EPHB1: variants seen among roughly 807,000 people sequenced by gnomAD.
EPHB1 encodes the protein EPH receptor B1.
Under a neutral mutation model 94.4 loss-of-function variants are expected in EPHB1, and 30 were observed. The observed-to-expected ratio is 0.32, with a 90% CI of 0.24 to 0.43. The LOEUF (loss-of-function observed/expected upper bound fraction) is 0.43, where lower values mean the gene tolerates loss of function less well. Among genes scored for constraint, EPHB1 ranks in the 20% least tolerant of loss-of-function variants. The probability of loss-of-function intolerance (pLI) is 1.00; values close to 1 mark genes in which losing one functional copy is unlikely to be tolerated. For synonymous variants in EPHB1, 522 were observed against 489.1 expected, an observed-to-expected ratio of 1.07 and a Z score of -0.89; for missense variants, 1,055 against 1,308.3, an observed-to-expected ratio of 0.81 and a Z score of 2.99.
At chr3:134,844,876 G>A (rs989910624) in intron 1 of EPHB1, among the ~76,000 whole-genome samples, 1 of 152,156 alleles carries the variant, frequency 6.6e-6, no homozygotes, top group Admixed American at 6.5e-5. Flanking sequence ...GTCTCTACCA[G>A]TTTGCATGTG....
intron 3 of EPHB1, among the ~76,000 whole-genome samples, chr3:135,100,956 C>T (rs1458939505): frequency 1.3e-5 from 2 of 151,882 alleles, no homozygotes; most frequent in East Asian, 3.9e-4. Flanking sequence ...GTGGTGAGGT[C>T]GGGGAGAGGG....
At chr3:135,164,829 A>G (rs917075383) in intron 7 of EPHB1, among the ~76,000 whole-genome samples, 10 of 143,534 alleles carry the variant, frequency 7.0e-5, no homozygotes, top group African/African-American at 2.6e-4. Flanking sequence ...AAAAAAAAAA[A>G]GAAGTATTGT....
chr3:135,048,688 G>A (rs1208803427), intron 3 of EPHB1, among the ~76,000 whole-genome samples: 3 of 152,168 alleles, frequency 2.0e-5, no homozygotes, highest in African/African-American at 7.2e-5. Flanking sequence ...CGCACATGCT[G>A]GCATCTAGCC....
intron 2 of EPHB1, among the ~76,000 whole-genome samples, chr3:134,938,989 CT>C (rs1229338115): frequency 6.6e-6 from 1 of 152,112 alleles, no homozygotes; most frequent in African/African-American, 2.4e-5. Context: ...ACCCCCACCC[CT>C]TTTTTGATCA....
intron 4 of EPHB1, among the ~76,000 whole-genome samples, chr3:135,121,913 G>A (rs1939980484): frequency 6.6e-6 from 1 of 152,040 alleles, no homozygotes; most frequent in African/African-American, 2.4e-5. Context: ...AGTCCCTTAT[G>A]CATATGAAGT....
At chr3:135,055,505 G>A (rs563825677) in intron 3 of EPHB1, among the ~76,000 whole-genome samples, 33 of 152,286 alleles carry the variant, frequency 2.2e-4, no homozygotes, top group Non-Finnish European at 3.5e-4. Context: ...GTTGGCCCTT[G>A]TCCACAATGG....
At chr3:135,048,117 A>G (rs1377503232) in intron 3 of EPHB1, among the ~76,000 whole-genome samples, 1 of 152,052 alleles carries the variant, frequency 6.6e-6, no homozygotes, top group Non-Finnish European at 1.5e-5. Context: ...GGGTGCTCTA[A>G]GAGTCAGTGG....
chr3:135,146,657 G>C (rs1941020774), intron 5 of EPHB1, among the ~76,000 whole-genome samples: 1 of 152,192 alleles, frequency 6.6e-6, no homozygotes, highest in Non-Finnish European at 1.5e-5. Flanking sequence ...CCAGCCTCTG[G>C]GGAACCCAGC....
At chr3:134,918,775 T>C (rs1030954759) in intron 1 of EPHB1, among the ~76,000 whole-genome samples, 1 of 152,238 alleles carries the variant, frequency 6.6e-6, no homozygotes, top group Admixed American at 6.5e-5. Flanking sequence ...GTTTTTCTCA[T>C]AGTTCAGATA....
At chr3:134,820,390 C>T (rs940334447) in intron 1 of EPHB1, among the ~76,000 whole-genome samples, 1 of 152,230 alleles carries the variant, frequency 6.6e-6, no homozygotes, top group African/African-American at 2.4e-5. Flanking sequence ...CCAGAGGGCT[C>T]AGAAAATTCC....
intron 3 of EPHB1, among the ~76,000 whole-genome samples, chr3:134,972,827 G>A (rs1271544436): frequency 6.6e-6 from 1 of 152,146 alleles, no homozygotes; most frequent in Admixed American, 6.5e-5. Flanking sequence ...TTCACTCAGT[G>A]TGAATTTGAG....
At chr3:134,809,291 A>G (rs552021504) in intron 1 of EPHB1, among the ~76,000 whole-genome samples, 1 of 152,296 alleles carries the variant, frequency 6.6e-6, no homozygotes, top group East Asian at 1.9e-4. Context: ...TTATCAGAAG[A>G]AGGCTCCATT....
chr3:135,071,750 A>G (rs1937720548), intron 3 of EPHB1, among the ~76,000 whole-genome samples: 1 of 152,200 alleles, frequency 6.6e-6, no homozygotes, highest in Admixed American at 6.5e-5. Context: ...AGCTCCAGAC[A>G]TACACTCACC....
rs71838244 is a variant in EPHB1 at position 135,045,268 on chromosome 3, A to AAAAAAG, written c.806-61158_806-61153dup. On this transcript the variant is annotated intron_variant, in intron 3 of 15. Transcript: ENST00000398015. ...GTTATCCTTTACACCAGTCACTGAA[A>AAAAAAG]AAAAAGAAAAAGAAAAAGAAAAAGA... 1.9e-3 allele frequency among the ~76,000 whole-genome samples: 295 copies of AAAAAAG among 152,348 alleles called. 2 individuals carry two copies. Among genetic ancestry groups the AAAAAAG allele is most frequent in the Middle Eastern group, 6.8e-3 (2 of 294 alleles).
intron 3 of EPHB1, among the ~76,000 whole-genome samples, chr3:135,025,291 A>G (rs975082429): frequency 3.8e-5 from 5 of 130,954 alleles, no homozygotes; most frequent in African/African-American, 1.1e-4. Context: ...TACATGTGCC[A>G]TGCTGGTGTG....
chr3:135,227,641 G>T (rs1174162625), intron 12 of EPHB1, among the ~76,000 whole-genome samples: 1 of 151,926 alleles, frequency 6.6e-6, no homozygotes, highest in Non-Finnish European at 1.5e-5. Flanking sequence ...ACATTTCAGT[G>T]AAAATTCTTA....
chr3:135,233,868 A>G (rs1943589215), intron 12 of EPHB1, among the ~76,000 whole-genome samples: 2 of 152,146 alleles, frequency 1.3e-5, no homozygotes, highest in African/African-American at 4.8e-5. Context: ...CAATGGCCTG[A>G]GCTGTACCTT....
At chr3:134,967,357 C>T (rs183379185) in intron 3 of EPHB1, among the ~76,000 whole-genome samples, 83 of 152,202 alleles carry the variant, frequency 5.5e-4, no homozygotes, top group Admixed American at 5.2e-3. Context: ...ATGTGTCCCC[C>T]AAAAGTTCAT....
intron 3 of EPHB1, among the ~76,000 whole-genome samples, chr3:134,974,238 G>A (rs1050120743): frequency 6.8e-6 from 1 of 147,532 alleles, no homozygotes; most frequent in Non-Finnish European, 1.5e-5. Flanking sequence ...ACACACACAT[G>A]CGCACAAACA....
Sources: gnomAD v4.1 joint callset for allele counts (sites outside exome capture counted in the v4.1 genomes callset) on GRCh38, gnomAD v4.1.1 for gene constraint, MANE v1.5 for transcripts, NCBI Gene and HGNC (gene_info 2026-07-23, HGNC 2026-07-21) for gene names.